The following PPP1CB variants were observed in gnomAD, a reference collection of about 807,000 sequenced individuals.
The protein encoded by PPP1CB is protein phosphatase 1 catalytic subunit beta, also known as serine/threonine-protein phosphatase PP1-beta catalytic subunit.
Under a neutral mutation model 43.7 loss-of-function variants are expected in PPP1CB, and 2 were observed. The ratio of observed to expected loss-of-function variants is 0.05; its 90% CI spans 0.02 to 0.14. The LOEUF is 0.14. Among genes scored for constraint, PPP1CB ranks in the 10% least tolerant of loss-of-function variants. The pLI is 1.00. For synonymous variants in PPP1CB, 136 were observed against 135.6 expected (o/e 1.00, Z -0.02); for missense variants, 84 against 398.0 (o/e 0.21, Z 6.71).
chr2:28,791,077 A>G (rs1667374249), intron 6 of PPP1CB, among the ~76,000 whole-genome samples: 1 of 152,198 alleles, frequency 6.6e-6, no homozygotes, highest in African/African-American at 2.4e-5. Flanking sequence ...TGTTGAATAA[A>G]TTAATAAAAG....
chr2:28,771,862 G>T (rs1203035955), intron 1 of PPP1CB, among the ~76,000 whole-genome samples: 1 of 151,352 alleles, frequency 6.6e-6, no homozygotes, highest in African/African-American at 2.4e-5. Flanking sequence ...GATTGACTAA[G>T]ATTTTTTAAG....
intron 1 of PPP1CB, among the ~76,000 whole-genome samples, chr2:28,760,995 G>A (rs1356107998): frequency 2.0e-5 from 3 of 152,114 alleles, no homozygotes; most frequent in Non-Finnish European, 4.4e-5. Context: ...CCGCCTCCTG[G>A]GTTCTAGCGA....
At chr2:28,760,771 A>T (rs1666624274) in intron 1 of PPP1CB, among the ~76,000 whole-genome samples, 1 of 152,254 alleles carries the variant, frequency 6.6e-6, no homozygotes, top group African/African-American at 2.4e-5. Context: ...CACGTATTTT[A>T]AAACTTTAAA....
chr2:28,783,941 T>G lies in PPP1CB; in HGVS notation c.555T>G (p.Ile185Met). The G allele has an allele frequency of 6.2e-7, 1 of 1,612,968 alleles. No individual in the cohort carries two copies. The highest frequency in any genetic ancestry group is 8.5e-7 in the Non-Finnish European group (1 of 1,179,042). The change falls in exon 5 of 8, where the codon ATT becomes ATG. Residue 185 changes from isoleucine to methionine, a missense_variant. By Grantham distance (10) the Ile-to-Met change is conservative. Transcript: ENST00000395366. Reference protein sequence around the residue: ...LSPDLQSMEQIRRIMRPTDVP... With the variant: ...LSPDLQSMEQMRRIMRPTDVP... ...CAGACCTGCAATCTATGGAGCAGAT[T>G]CGGAGAATTATGAGACCTACTGATG...
chr2:28,757,374 C>G (rs1287771285), intron 1 of PPP1CB, among the ~76,000 whole-genome samples: 1 of 152,074 alleles, frequency 6.6e-6, no homozygotes, highest in Non-Finnish European at 1.5e-5. Flanking sequence ...CATATACTTT[C>G]AATTCCGTTG....
chr2:28,788,343 A>G (rs1451939846), intron 5 of PPP1CB, among the ~76,000 whole-genome samples: 3 of 152,242 alleles, frequency 2.0e-5, no homozygotes, highest in Non-Finnish European at 4.4e-5. Flanking sequence ...GGTTATTCAT[A>G]TGGAGAAACT....
At chr2:28,785,309 T>C (rs62129843) in intron 5 of PPP1CB, among the ~76,000 whole-genome samples, 89,801 of 151,032 alleles carry the variant, frequency 0.59, 27,303 homozygotes, top group African/African-American at 0.66. Context: ...CTCTTGATCT[T>C]GTGATCCACC....
intron 1 of PPP1CB, among the ~76,000 whole-genome samples, chr2:28,752,900 C>G (rs980254114): frequency 1.3e-5 from 2 of 152,190 alleles, no homozygotes; most frequent in Admixed American, 6.5e-5. Context: ...AGCTTAATTT[C>G]TGCACAAACT....
intron 1 of PPP1CB, among the ~76,000 whole-genome samples, chr2:28,770,406 G>A (rs1426566004): frequency 6.7e-6 from 1 of 149,922 alleles, no homozygotes; most frequent in Non-Finnish European, 1.5e-5. Flanking sequence ...GGGTGTGGGG[G>A]AGACGATATC....
intron 1 of PPP1CB, among the ~76,000 whole-genome samples, chr2:28,766,427 C>G (rs1019208460): frequency 3.3e-5 from 5 of 152,200 alleles, no homozygotes; most frequent in African/African-American, 1.2e-4. Context: ...TTCAAACATC[C>G]TACATTTTCT....
In PPP1CB at chr2:28,802,594, G is replaced by A. The variant is rs569795873; in HGVS notation, c.*3291G>A. ...TTACGCAATGAACAGTAGTTAAATAGGAAATAAACTAGTTCCATATAAGTA... is the reference window on the plus strand; with the variant it reads ...TTACGCAATGAACAGTAGTTAAATAAGAAATAAACTAGTTCCATATAAGTA... On this transcript the variant is annotated 3_prime_UTR_variant, in exon 8 of 8. Transcript: ENST00000395366. 1.3e-5 allele frequency: 2 copies of A among 152,260 alleles called. No individual in the cohort carries two copies. Among genetic ancestry groups the A allele is most frequent in the East Asian group, 3.9e-4 (2 of 5,180 alleles). 9.4% of individuals were successfully genotyped at this position (152,260 alleles called of 1,614,324 possible).
chr2:28,762,021 C>T (rs975565337), intron 1 of PPP1CB, among the ~76,000 whole-genome samples: 9 of 152,152 alleles, frequency 5.9e-5, no homozygotes, highest in Admixed American at 3.3e-4. Context: ...TGGTAGCTCA[C>T]ACGTGTAATC....
intron 1 of PPP1CB, among the ~76,000 whole-genome samples, chr2:28,774,970 T>TG (rs2148047563): frequency 6.6e-6 from 1 of 152,314 alleles, no homozygotes; most frequent in Admixed American, 6.5e-5. Flanking sequence ...CTGTGTCTCC[T>TG]GTTTATTGCC....
At chr2:28,759,002 AC>A (rs1300164910) in intron 1 of PPP1CB, among the ~76,000 whole-genome samples, 1 of 152,226 alleles carries the variant, frequency 6.6e-6, no homozygotes, top group East Asian at 1.9e-4. Flanking sequence ...TTGCAAGGTG[AC>A]CAAAACACTT....
At chr2:28,793,822 C>G in intron 6 of PPP1CB, 41 bp from the exon 7 acceptor site, 1 of 1,609,718 alleles carries the variant, frequency 6.2e-7, no homozygotes, top group Non-Finnish European at 8.5e-7. Context: ...TCAGAATTAC[C>G]CACCAATAAA....
At chr2:28,775,399 G>A (rs1031053596) in intron 1 of PPP1CB, among the ~76,000 whole-genome samples, 1 of 152,072 alleles carries the variant, frequency 6.6e-6, no homozygotes, top group Non-Finnish European at 1.5e-5. Flanking sequence ...GTGAGCCACC[G>A]TGCCCGGCCT....
At position 28,788,820 on chromosome 2, in the gene PPP1CB, T is replaced by C. The variant is rs780770868; in HGVS notation, c.744+11T>C. The C allele has an allele frequency of 2.0e-5, 31 of 1,580,250 alleles. No individual in the cohort carries two copies. In the East Asian group the frequency reaches 3.1e-4, roughly 16 times the overall value. ...TGTCGAGCTCATCAGGTATGAAATATAAAACTCTTAAGCTTTTTCTTTTTT... is the reference window on the plus strand; with the variant it reads ...TGTCGAGCTCATCAGGTATGAAATACAAAACTCTTAAGCTTTTTCTTTTTT... On this transcript the variant is annotated intron_variant, in intron 6 of 7. Coordinates refer to ENST00000395366, the MANE Select transcript of PPP1CB (RefSeq NM_002709.3).
chr2:28,785,065 C>CTTTTTTT lies in PPP1CB; in HGVS notation c.592+1109_592+1115dup, dbSNP rs769650329. On this transcript the variant is annotated intron_variant, in intron 5 of 7. Transcript: ENST00000395366. ...ATGTTGTAATAAATTGTGTTAGGAG[C>CTTTTTTT]TTTTTTTTTTTTTTTTTTTTTTTTT... is the stretch of plus-strand genomic sequence containing the variant. 1.4e-3 allele frequency among the ~76,000 whole-genome samples: 78 copies of CTTTTTTT among 54,996 alleles called. 15 individuals carry two copies. The highest frequency in any genetic ancestry group is 1.9e-3 in the Non-Finnish European group (55 of 28,694). The allele number at this position is 54,996 out of a possible 152,430, so 36.1% of individuals were successfully genotyped here.
Position 28,799,344 on chromosome 2 carries a change from A to G in PPP1CB, c.*41A>G. On this transcript the variant is annotated 3_prime_UTR_variant, in exon 8 of 8. Coordinates refer to ENST00000395366, the MANE Select transcript of PPP1CB (RefSeq NM_002709.3). ...AAAGAAACCATCAGATTTGTTAAGGACATACTTCATAATATATAAGTGTGC... is the reference window on the plus strand; with the variant it reads ...AAAGAAACCATCAGATTTGTTAAGGGCATACTTCATAATATATAAGTGTGC... The G allele has an allele frequency of 1.4e-6, 2 of 1,472,722 alleles. No homozygotes were observed. Among genetic ancestry groups the G allele is most frequent in the Non-Finnish European group, 1.9e-6 (2 of 1,053,164 alleles). 91.2% of individuals were successfully genotyped at this position (1,472,722 alleles called of 1,614,324 possible).
Sources: gnomAD v4.1 joint callset for allele counts (sites outside exome capture counted in the v4.1 genomes callset) on GRCh38, gnomAD v4.1.1 for gene constraint, MANE v1.5 for transcripts, NCBI Gene and HGNC (gene_info 2026-07-23, HGNC 2026-07-21) for gene names.